SNX25: variants seen among roughly 807,000 people sequenced by gnomAD.
SNX25 encodes sorting nexin 25.
A neutral mutation model predicts 113.7 loss-of-function variants in SNX25; 62 were observed. The observed-to-expected ratio is 0.55, with a 90% CI of 0.44 to 0.67. SNX25 has a LOEUF of 0.67. SNX25 is among the 30% of genes least tolerant of loss of function. SNX25 has a pLI of 0.00. For missense variants in SNX25, 1,014 were observed against 1,161.0 expected (o/e 0.87, Z 1.84); for synonymous variants, 421 against 436.2 (o/e 0.97, Z 0.43).
At chr4:185,345,760 A>T (rs1338825135) in intron 12 of SNX25, among the ~76,000 whole-genome samples, 1 of 152,018 alleles carries the variant, frequency 6.6e-6, no homozygotes, top group African/African-American at 2.4e-5. Flanking sequence ...CACTGCACTC[A>T]GCCTGGGTGG....
chr4:185,359,037 T>C (rs1163583468), intron 16 of SNX25, among the ~76,000 whole-genome samples: 1 of 152,180 alleles, frequency 6.6e-6, no homozygotes, highest in Admixed American at 6.5e-5. Context: ...CAAAGTTTAC[T>C]TCTACTTAAG....
intron 1 of SNX25, among the ~76,000 whole-genome samples, chr4:185,234,347 A>G (rs1466680990): frequency 6.6e-6 from 1 of 152,254 alleles, no homozygotes; most frequent in African/African-American, 2.4e-5. Context: ...CCCATGTAAT[A>G]TAACTATAAT....
chr4:185,212,491 G>GTGTGTGTGTTTTTGTT (rs546083196), intron 1 of SNX25, among the ~76,000 whole-genome samples: 4 of 104,942 alleles, frequency 3.8e-5, no homozygotes, highest in South Asian at 3.1e-4. Flanking sequence ...GTGTGTGTGT[G>GTGTGTGTGTTTTTGTT]TTTTTTTTTT....
downstream of SNX25, chr4:185,374,214 C>G (rs745886374): frequency 6.2e-7 from 1 of 1,614,142 alleles, no homozygotes; most frequent in South Asian, 1.1e-5. Context: ...TTTGGGATTT[C>G]CATTGTCTGC....
At position 185,362,717 on chromosome 4, in the gene SNX25, T is replaced by C; in HGVS notation, c.2934+6T>C. 1 of 1,607,736 alleles carries C rather than the reference T, an allele frequency of 6.2e-7. No individual in the cohort carries two copies. The highest frequency in any genetic ancestry group is 8.5e-7 in the Non-Finnish European group (1 of 1,175,802). On this transcript the variant is annotated splice_donor_region_variant and intron_variant, in intron 18 of 18. Transcript: ENST00000652585. ...CCAACAAGCATCTGTTATATGTGAG[T>C]AAATTAAAGCCCAGGGGGTTTCCTG...
intron 6 of SNX25, among the ~76,000 whole-genome samples, chr4:185,301,894 A>G (rs919245796): frequency 7.1e-6 from 1 of 140,158 alleles, no homozygotes; most frequent in African/African-American, 2.7e-5. Flanking sequence ...GCCCTTAGTC[A>G]CACGTTTTTT....
chr4:185,239,651 AT>A (rs1392492572), intron 1 of SNX25, among the ~76,000 whole-genome samples: 1 of 145,952 alleles, frequency 6.9e-6, no homozygotes, highest in African/African-American at 2.5e-5. Context: ...ACAAAACTTT[AT>A]TTTATTTTTG....
chr4:185,247,363 A>G lies in SNX25; in HGVS notation c.499A>G (p.Lys167Glu). ...GGTAGTAATTTCTCATAATATGGAT[A>G]AAGCTCTGAAAGAAGGTAAGGATTA... ...RRVVISHNMD[K>E]ALKEVFDYSY... The change falls in exon 2 of 19, where the codon AAA (lysine) becomes GAA (glutamate). Residue 167 changes from lysine to glutamate, a missense_variant. Lys to Glu is a moderately conservative substitution (Grantham distance 56). Coordinates refer to ENST00000652585, the MANE Select transcript of SNX25 (RefSeq NM_001378034.2). 6.2e-7 allele frequency: 1 copy of G among 1,603,096 alleles called. No homozygotes were observed. The highest frequency in any genetic ancestry group is 1.3e-5 in the African/African-American group (1 of 74,756).
At chr4:185,223,204 T>C (rs147627411) in intron 1 of SNX25, among the ~76,000 whole-genome samples, 3 of 152,208 alleles carry the variant, frequency 2.0e-5, no homozygotes, top group Non-Finnish European at 4.4e-5. Context: ...ATCACTTCCT[T>C]GCATGTCATT....
chr4:185,239,693 GCTTT>G (rs917280453), intron 1 of SNX25, among the ~76,000 whole-genome samples: 35 of 142,586 alleles, frequency 2.5e-4, no homozygotes, highest in African/African-American at 8.8e-4. Context: ...TTTATGCTTT[GCTTT>G]CTTTTTTTTT....
intron 6 of SNX25, among the ~76,000 whole-genome samples, chr4:185,300,989 C>G (rs776376485): frequency 9.2e-5 from 14 of 152,132 alleles, no homozygotes; most frequent in South Asian, 2.1e-4. Flanking sequence ...CAGAATCTCC[C>G]TCTCTGACCT....
At chr4:185,262,817 G>A (rs368603148) in intron 3 of SNX25, among the ~76,000 whole-genome samples, 1 of 152,174 alleles carries the variant, frequency 6.6e-6, no homozygotes, top group African/African-American at 2.4e-5. Flanking sequence ...TGATCCACAC[G>A]GAACACAGTA....
chr4:185,299,185 C>T (rs1002516721), intron 6 of SNX25, among the ~76,000 whole-genome samples: 1 of 152,168 alleles, frequency 6.6e-6, no homozygotes, highest in Non-Finnish European at 1.5e-5. Flanking sequence ...TTCATTCCCT[C>T]TGGGCTTGTC....
chr4:185,272,425 G>A (rs766850602), intron 5 of SNX25, among the ~76,000 whole-genome samples: 1 of 152,130 alleles, frequency 6.6e-6, no homozygotes, highest in African/African-American at 2.4e-5. Flanking sequence ...ATAAATGCGC[G>A]GACAGCTTGT....
intron 1 of SNX25, among the ~76,000 whole-genome samples, chr4:185,243,627 ACT>A (rs926384381): frequency 6.6e-6 from 1 of 151,562 alleles, no homozygotes; most frequent in Non-Finnish European, 1.5e-5. Context: ...CCAAACTGAA[ACT>A]CTATACCCAT....
downstream of SNX25, chr4:185,366,977 CT>C: frequency 3.8e-6 from 2 of 519,692 alleles, no homozygotes; most frequent in Non-Finnish European, 3.4e-6. Flanking sequence ...TCTGAGGACT[CT>C]TCCAGCAATT....
At chr4:185,324,602 T>C (rs1177643127) in intron 9 of SNX25, among the ~76,000 whole-genome samples, 1 of 152,124 alleles carries the variant, frequency 6.6e-6, no homozygotes, top group Non-Finnish European at 1.5e-5. Flanking sequence ...GGGGCTGGCT[T>C]GTCTCTGGTC....
intron 1 of SNX25, among the ~76,000 whole-genome samples, chr4:185,225,118 CTTT>C (rs775220291): frequency 3.8e-5 from 5 of 132,082 alleles, no homozygotes; most frequent in African/African-American, 5.5e-5. Context: ...TCTATGTCTT[CTTT>C]TTTTTTTTTT....
At chr4:185,231,711 C>CA (rs35635272) in intron 1 of SNX25, among the ~76,000 whole-genome samples, 2,788 of 134,344 alleles carry the variant, frequency 0.021, 34 homozygotes, top group Middle Eastern at 0.072. Flanking sequence ...ACTCCATCTT[C>CA]AAAAAAAAAA....
Sources: allele counts gnomAD v4.1 joint callset (sites outside exome capture counted in the v4.1 genomes callset), GRCh38; gene constraint gnomAD v4.1.1; transcripts MANE v1.5; gene names NCBI Gene and HGNC (gene_info 2026-07-23, HGNC 2026-07-21).